TTC29: variants seen among roughly 807,000 people sequenced by gnomAD.
TTC29 encodes the protein tetratricopeptide repeat domain 29.
TTC29 carries 49 observed loss-of-function variants against 58.1 expected under a neutral mutation model. The observed-to-expected ratio is 0.84, with a 90% CI of 0.67 to 1.07. TTC29 has a LOEUF of 1.07. Ranked by LOEUF, TTC29 falls within the 50% of genes least tolerant of loss-of-function variation. The pLI is 0.00. For missense variants in TTC29, 582 were observed against 555.6 expected, an observed-to-expected ratio of 1.05 and a Z score of -0.48; for synonymous variants, 209 against 196.8, an observed-to-expected ratio of 1.06 and a Z score of -0.52.
At chr4:146,942,906 G>C (rs1736543893) in intron 2 of TTC29, 1 of 306,600 alleles carries the variant, frequency 3.3e-6, no homozygotes. Context: ...CAATTTCCTT[G>C]AATACTAAGA....
intron 11 of TTC29, among the ~76,000 whole-genome samples, chr4:146,759,503 T>G (rs997665229): frequency 6.6e-6 from 1 of 152,108 alleles, no homozygotes; most frequent in Non-Finnish European, 1.5e-5. Flanking sequence ...TACAGACTGA[T>G]ATCCTTGACG....
chr4:146,745,986 AAG>A (rs1051451336), intron 11 of TTC29, among the ~76,000 whole-genome samples: 1 of 152,214 alleles, frequency 6.6e-6, no homozygotes, highest in African/African-American at 2.4e-5. Flanking sequence ...CCTATTTGCA[AAG>A]AGATACTTTG....
At chr4:146,834,469 C>A (rs1728375503) in intron 8 of TTC29, among the ~76,000 whole-genome samples, 1 of 152,120 alleles carries the variant, frequency 6.6e-6, no homozygotes, top group Non-Finnish European at 1.5e-5. Flanking sequence ...GCTGCCACAG[C>A]CAAACATGTG....
intron 11 of TTC29, among the ~76,000 whole-genome samples, chr4:146,728,345 C>G (rs1436490230): frequency 1.3e-5 from 2 of 151,734 alleles, no homozygotes; most frequent in Non-Finnish European, 2.9e-5. Context: ...TAACCAGTCA[C>G]TCAGTGTTCT....
chr4:146,761,525 C>T (rs1746899236), intron 11 of TTC29, among the ~76,000 whole-genome samples: 1 of 151,902 alleles, frequency 6.6e-6, no homozygotes, highest in African/African-American at 2.4e-5. Context: ...TTGTACACTG[C>T]ATGCATAATC....
intron 11 of TTC29, among the ~76,000 whole-genome samples, chr4:146,751,791 A>T (rs1746018940): frequency 6.6e-6 from 1 of 152,182 alleles, no homozygotes; most frequent in Non-Finnish European, 1.5e-5. Flanking sequence ...ACCTCCAGGA[A>T]CTAGAAAAAG....
At chr4:146,757,711 G>A (rs927625261) in intron 11 of TTC29, among the ~76,000 whole-genome samples, 3 of 152,030 alleles carry the variant, frequency 2.0e-5, no homozygotes, top group African/African-American at 4.8e-5. Context: ...TGTATCCAGC[G>A]AAACTAAGCA....
At chr4:146,776,037 T>C (rs1748068131) in intron 11 of TTC29, among the ~76,000 whole-genome samples, 1 of 152,222 alleles carries the variant, frequency 6.6e-6, no homozygotes, top group South Asian at 2.1e-4. Context: ...GAAGAACCAG[T>C]CTTCGAGCTC....
chr4:146,903,464 G>A (rs1183748648), intron 6 of TTC29, 80 bp downstream of exon 6: 19 of 1,284,508 alleles, frequency 1.5e-5, no homozygotes, highest in South Asian at 1.2e-4. Flanking sequence ...CTTTTTTCTC[G>A]ACCACCACGT....
intron 11 of TTC29, among the ~76,000 whole-genome samples, chr4:146,803,156 A>C (rs1344066333): frequency 6.6e-6 from 1 of 152,130 alleles, no homozygotes; most frequent in Non-Finnish European, 1.5e-5. Context: ...CTTATTTCAC[A>C]TTCCTTATGC....
At chr4:146,858,578 G>A (rs764779063) in intron 8 of TTC29, among the ~76,000 whole-genome samples, 3 of 152,134 alleles carry the variant, frequency 2.0e-5, no homozygotes, top group Non-Finnish European at 2.9e-5. Flanking sequence ...GCAGAAGCCC[G>A]ACATTGTGAT....
At chr4:146,843,232 A>G (rs899574544) in intron 8 of TTC29, among the ~76,000 whole-genome samples, 4 of 152,192 alleles carry the variant, frequency 2.6e-5, no homozygotes, top group African/African-American at 9.7e-5. Flanking sequence ...AGTATCTGAC[A>G]TGTAATAAAA....
chr4:146,751,670 G>C (rs1746007184), intron 11 of TTC29, among the ~76,000 whole-genome samples: 1 of 151,988 alleles, frequency 6.6e-6, no homozygotes, highest in African/African-American at 2.4e-5. Context: ...GGAAACACAG[G>C]ATACCAAAAC....
chr4:146,833,675 G>A (rs1728316224), intron 9 of TTC29, 131 bp downstream of exon 9: 1 of 694,846 alleles, frequency 1.4e-6, no homozygotes, highest in Admixed American at 2.2e-5. Context: ...TATGATGAAA[G>A]GGTCACTTAA....
chr4:146,888,903 G>A (rs560779924), intron 6 of TTC29, among the ~76,000 whole-genome samples: 8 of 152,050 alleles, frequency 5.3e-5, no homozygotes, highest in Non-Finnish European at 1.2e-4. Context: ...CAAGATCTAC[G>A]ATGATTAAAT....
At position 146,937,665 on chromosome 4, in the gene TTC29, G is replaced by T. The variant is rs957925960; in HGVS notation, c.105C>A (p.Ile35=). Residue 35 remains isoleucine, a synonymous_variant, in exon 4 of 13, where the codon ATC becomes ATA. Coordinates refer to ENST00000325106, the MANE Select transcript of TTC29 (RefSeq NM_031956.4). The part of the protein sequence containing the change: ...SSRKIPRSQL[I]KEKDDIDHYL... Reference sequence around the variant, plus strand: ...AATGATCTATGTCATCTTTTTCTTTGATCAATTGAGACCTAAATGAAATAG... The same window carrying T: ...AATGATCTATGTCATCTTTTTCTTTTATCAATTGAGACCTAAATGAAATAG... The T allele has an allele frequency of 4.7e-6, 7 of 1,503,472 alleles. No homozygotes were observed. The African/African-American group carries it at 7.0e-5, about 15-fold the overall frequency. The allele number at this position is 1,503,472 out of a possible 1,614,324, so 93.1% of individuals were successfully genotyped here. A position where few individuals can be genotyped will look rare whatever the true frequency, so the allele number is the denominator to read the frequency against.
At chr4:146,893,991 C>G (rs1301076836) in intron 6 of TTC29, among the ~76,000 whole-genome samples, 3 of 152,168 alleles carry the variant, frequency 2.0e-5, no homozygotes, top group Non-Finnish European at 4.4e-5. Context: ...TACCATCTCA[C>G]ACCAGCTAGA....
chr4:146,867,586 G>A lies in TTC29; in HGVS notation c.800-3C>T. On this transcript the variant is annotated splice_polypyrimidine_tract_variant and splice_region_variant and intron_variant, in intron 7 of 12. Transcript: ENST00000325106. Reference sequence around the variant, plus strand: ...CGCTTCCATCTTTTTGTCACTTCCTGAAGTGAAGATGTAAAAAAATTACCA... The same window carrying A: ...CGCTTCCATCTTTTTGTCACTTCCTAAAGTGAAGATGTAAAAAAATTACCA... 1 of 1,463,038 alleles carries A rather than the reference G, an allele frequency of 6.8e-7. No homozygotes were observed. The highest frequency in any genetic ancestry group is 9.2e-7 in the Non-Finnish European group (1 of 1,087,832). 90.6% of individuals were successfully genotyped at this position (1,463,038 alleles called of 1,614,324 possible). A position where few individuals can be genotyped will look rare whatever the true frequency, so the allele number is the denominator to read the frequency against.
chr4:146,829,161 G>A (rs78034815), intron 9 of TTC29, among the ~76,000 whole-genome samples: 1 of 152,274 alleles, frequency 6.6e-6, no homozygotes, highest in East Asian at 1.9e-4. Flanking sequence ...CGGAGGAACA[G>A]GACTCCTCGG....
Sources: allele counts gnomAD v4.1 joint callset (sites outside exome capture counted in the v4.1 genomes callset), GRCh38; gene constraint gnomAD v4.1.1; transcripts MANE v1.5; gene names NCBI Gene and HGNC (gene_info 2026-07-23, HGNC 2026-07-21).